The following PDZD8 variants were observed in gnomAD, a reference collection of about 807,000 sequenced individuals.
PDZD8 encodes PDZ domain containing 8.
In PDZD8, 14 loss-of-function variants were observed where a neutral mutation model predicts 85.8. The ratio of observed to expected loss-of-function variants is 0.16; its 90% CI spans 0.11 to 0.26. The LOEUF (loss-of-function observed/expected upper bound fraction) is 0.26, where lower values mean the gene tolerates loss of function less well. Ranked by LOEUF, PDZD8 falls within the 10% of genes least tolerant of loss-of-function variation. The pLI is 1.00. For synonymous variants in PDZD8, 592 were observed against 568.6 expected (o/e 1.04, Z -0.59); for missense variants, 1,197 against 1,424.3 (o/e 0.84, Z 2.57).
chr10:117,350,948 T>C (rs967592486), intron 1 of PDZD8, among the ~76,000 whole-genome samples: 2 of 151,794 alleles, frequency 1.3e-5, no homozygotes, highest in Non-Finnish European at 2.9e-5. Flanking sequence ...ACAGTCTAGC[T>C]TAGGGCAGGA....
chr10:117,341,175 T>A, intron 1 of PDZD8, 73 bp from the exon 2 acceptor site: 2 of 1,507,426 alleles, frequency 1.3e-6, no homozygotes, highest in South Asian at 1.2e-5. Flanking sequence ...AAAACTCACC[T>A]GTACAAAAAC....
intron 1 of PDZD8, among the ~76,000 whole-genome samples, chr10:117,368,689 T>C (rs1473769861): frequency 2.0e-5 from 3 of 152,092 alleles, no homozygotes; most frequent in Non-Finnish European, 4.4e-5. Flanking sequence ...TACATAGTTA[T>C]TAATGACCCA....
intron 3 of PDZD8, 33 bp from the exon 4 acceptor site, chr10:117,290,381 T>A: frequency 6.6e-7 from 1 of 1,523,582 alleles, no homozygotes; most frequent in Non-Finnish European, 9.0e-7. Flanking sequence ...GAAAACTGAT[T>A]CAATGGATTC....
chr10:117,366,948 C>T (rs1845101187), intron 1 of PDZD8, among the ~76,000 whole-genome samples: 1 of 152,182 alleles, frequency 6.6e-6, no homozygotes, highest in Admixed American at 6.5e-5. Context: ...TTATTAGCCC[C>T]ACCCTGCTCA....
intron 3 of PDZD8, among the ~76,000 whole-genome samples, chr10:117,307,812 G>A (rs939262841): frequency 9.9e-5 from 15 of 151,954 alleles, no homozygotes; most frequent in African/African-American, 2.2e-4. Context: ...TAAGACATAC[G>A]AATTAAGTGT....
chr10:117,313,685 T>C (rs1165547849), intron 3 of PDZD8, among the ~76,000 whole-genome samples: 1 of 152,204 alleles, frequency 6.6e-6, no homozygotes, highest in Non-Finnish European at 1.5e-5. Flanking sequence ...ATTTCTTCTA[T>C]ATGCTCATTT....
intron 2 of PDZD8, among the ~76,000 whole-genome samples, chr10:117,332,563 A>G (rs1844437436): frequency 2.2e-5 from 3 of 138,364 alleles, no homozygotes; most frequent in Non-Finnish European, 4.5e-5. Context: ...CTGGAGTGCA[A>G]TGGCGCCATC....
chr10:117,340,961 G>A lies in PDZD8; in HGVS notation c.995+19C>T, dbSNP rs765017446. 1 of 1,613,330 alleles carries A rather than the reference G, an allele frequency of 6.2e-7. No individual in the cohort carries two copies. The highest frequency in any genetic ancestry group is 8.5e-7 in the Non-Finnish European group (1 of 1,179,498). Reference sequence around the variant, plus strand: ...ACTGTTCTTCCCGTAACTTAGTAATGACAAAACAAAGAACATACCTGCTAC... The same window carrying A: ...ACTGTTCTTCCCGTAACTTAGTAATAACAAAACAAAGAACATACCTGCTAC... On this transcript the variant is annotated intron_variant, in intron 2 of 4. Transcript: ENST00000334464.
chr10:117,289,125 T>A (rs1478344180), intron 4 of PDZD8, among the ~76,000 whole-genome samples: 1 of 152,196 alleles, frequency 6.6e-6, no homozygotes, highest in Non-Finnish European at 1.5e-5. Context: ...GGTCTCCTGA[T>A]TCAGAATGCA....
chr10:117,331,762 A>G (rs552031714), intron 2 of PDZD8, among the ~76,000 whole-genome samples: 1 of 152,340 alleles, frequency 6.6e-6, no homozygotes, highest in Non-Finnish European at 1.5e-5. Context: ...CATCAGAAGA[A>G]TTAAAGAGCT....
At chr10:117,362,302 T>G (rs1845012658) in intron 1 of PDZD8, among the ~76,000 whole-genome samples, 3 of 152,106 alleles carry the variant, frequency 2.0e-5, no homozygotes, top group Admixed American at 2.0e-4. Context: ...AACAGCAAAG[T>G]GAATAAATAA....
Position 117,283,870 on chromosome 10 carries a change from G to A in PDZD8, c.2863C>T (p.Arg955Cys), listed in dbSNP as rs1234299187. The A allele has an allele frequency of 1.1e-5, 17 of 1,614,024 alleles. No individual in the cohort carries two copies. Among genetic ancestry groups the A allele is most frequent in the African/African-American group, 2.7e-5 (2 of 74,896 alleles). Residue 955 changes from arginine to cysteine, a missense_variant, in exon 5 of 5, where the codon CGC becomes TGC. Coordinates refer to ENST00000334464, the MANE Select transcript of PDZD8 (RefSeq NM_173791.5). ...LLNLRQVSKT[R>C]LSEPGTDLVE... is the part of the protein sequence containing the mutation. ...AGATCGGTTCCTGGTTCAGAAAGGC[G>A]AGTTTTAGAGACTTGACGCAAATTT...
chr10:117,283,396 A>C lies in PDZD8; in HGVS notation c.3337T>G (p.Ser1113Ala), dbSNP rs1164937250. ...TCTGTGTACTTGCTTATTTTTTTGG[A>C]GTGCTGGTCTAAAGACAGACTTTCT... ...TLESLSLDQH[S>A]KKISKYTDDT... Residue 1113 changes from serine to alanine, a missense_variant, in exon 5 of 5, where the codon TCC becomes GCC. This residue lies in a region of PDZD8 where 418 missense variants were observed against 571.1 expected (regional missense o/e 0.73). Coordinates refer to ENST00000334464, the MANE Select transcript of PDZD8 (RefSeq NM_173791.5). The C allele has an allele frequency of 6.2e-7, 1 of 1,614,044 alleles. No homozygotes were observed. Among genetic ancestry groups the C allele is most frequent in the Non-Finnish European group, 8.5e-7 (1 of 1,179,942 alleles).
At position 117,285,264 on chromosome 10, in the gene PDZD8, T is replaced by C. The variant is rs1182947422; in HGVS notation, c.1469A>G (p.Glu490Gly). The change falls in exon 5 of 5, where the codon GAA becomes GGA. Residue 490 changes from glutamate to glycine, a missense_variant. Transcript: ENST00000334464. ...EEAAGLTVDTESRELDSEFED... is the reference protein window; with the variant it reads ...EEAAGLTVDTGSRELDSEFED... ...AAATTCAGAATCCAGCTCTCTACTT[T>C]CAGTATCTACTGTCAACCCGGCAGC... 1.2e-6 allele frequency: 2 copies of C among 1,614,088 alleles called. No individual in the cohort carries two copies. Among genetic ancestry groups the C allele is most frequent in the African/African-American group, 2.7e-5 (2 of 74,924 alleles).
In PDZD8 at chr10:117,374,523, G is replaced by A; in HGVS notation, c.705C>T (p.Arg235=). Residue 235 remains arginine (R), a synonymous_variant, in exon 1 of 5, where the codon CGC becomes CGT. Coordinates refer to ENST00000334464, the MANE Select transcript of PDZD8 (RefSeq NM_173791.5). The surrounding 1 kb of genome is among the most constrained non-coding windows in gnomAD (Gnocchi z 7.8). The part of the protein sequence containing the change: ...VVGRLRLVFT[R]VPFTHWFFSF... ...AGAAGAACCAGTGGGTGAAGGGCAC[G>A]CGCGTAAAGACCAAGCGCAGCCTTC... is the stretch of plus-strand genomic sequence containing the variant. 1 of 1,611,288 alleles carries A rather than the reference G, an allele frequency of 6.2e-7. No individual in the cohort carries two copies. Among genetic ancestry groups the A allele is most frequent in the Non-Finnish European group, 8.5e-7 (1 of 1,178,756 alleles).
At chr10:117,302,573 C>T (rs1006943264) in intron 3 of PDZD8, among the ~76,000 whole-genome samples, 10 of 152,200 alleles carry the variant, frequency 6.6e-5, no homozygotes, top group African/African-American at 2.4e-4. Context: ...AATCTCTCAA[C>T]TAAGGAGAAA....
intron 3 of PDZD8, among the ~76,000 whole-genome samples, chr10:117,297,576 G>A (rs1285650886): frequency 1.3e-5 from 2 of 152,118 alleles, no homozygotes; most frequent in Non-Finnish European, 2.9e-5. Flanking sequence ...TTGACTTTAC[G>A]ATGTGGGAAA....
chr10:117,324,809 T>C (rs1047500501), intron 2 of PDZD8, among the ~76,000 whole-genome samples: 1 of 152,218 alleles, frequency 6.6e-6, no homozygotes, highest in Non-Finnish European at 1.5e-5. Context: ...GTTTTCCAGA[T>C]TTAAAGAAAC....
chr10:117,369,067 C>T (rs1564715745), intron 1 of PDZD8, among the ~76,000 whole-genome samples: 2 of 151,982 alleles, frequency 1.3e-5, no homozygotes, highest in Admixed American at 6.5e-5. Context: ...CTCCTGACCT[C>T]AAGTGATCCA....
Sources: gnomAD v4.1 joint callset for allele counts (sites outside exome capture counted in the v4.1 genomes callset) on GRCh38, gnomAD v4.1.1 for gene constraint, gnomAD v4.1.1 regional missense constraint, Gnocchi (gnomAD v3.1) non-coding constraint, MANE v1.5 for transcripts, NCBI Gene and HGNC (gene_info 2026-07-23, HGNC 2026-07-21) for gene names.